Variants in CCDC33 observed in about 807,000 individuals in gnomAD.
The protein encoded by CCDC33 is coiled-coil domain containing 33, also known as coiled-coil domain-containing protein 33.
Under a neutral mutation model 91.9 loss-of-function variants are expected in CCDC33, and 94 were observed. That is an observed-to-expected ratio of 1.02 (90% CI 0.87 to 1.21). The LOEUF is 1.21. CCDC33 is among the 50% of genes most tolerant of loss of function. The pLI is 0.00. For missense variants in CCDC33, 940 were observed against 935.5 expected (o/e 1.00, Z -0.06); for synonymous variants, 396 against 374.5 (o/e 1.06, Z -0.66).
At chr15:74,320,702 G>A (rs913668805) in intron 11 of CCDC33, among the ~76,000 whole-genome samples, 1 of 152,120 alleles carries the variant, frequency 6.6e-6, no homozygotes, top group African/African-American at 2.4e-5. Flanking sequence ...ATGCCACATC[G>A]CACAGACCAC....
chr15:74,312,185 C>T (rs1432384883), intron 11 of CCDC33, among the ~76,000 whole-genome samples: 2 of 152,194 alleles, frequency 1.3e-5, no homozygotes, highest in East Asian at 3.9e-4. Context: ...CCCCTTGTTC[C>T]AAAGTCCCTT....
chr15:74,266,241 T>C (rs1482186404), intron 3 of CCDC33, among the ~76,000 whole-genome samples: 2 of 152,186 alleles, frequency 1.3e-5, no homozygotes, highest in South Asian at 2.1e-4. Context: ...TGTGAGATAA[T>C]CTCTCCCCAT....
rs1001771449 is a variant in CCDC33 at position 74,335,918 on chromosome 15, A to T, written c.2140-7A>T. On this transcript the variant is annotated splice_region_variant and splice_polypyrimidine_tract_variant and intron_variant, in intron 18 of 18. Coordinates refer to ENST00000398814, the MANE Select transcript of CCDC33 (RefSeq NM_025055.5). ...GGTACTCACGCACCCCGCTTTGCAC[A>T]CCACAGAGTGCCCTCACCCACTCCA... 1 of 1,611,796 alleles carries T rather than the reference A, an allele frequency of 6.2e-7. No individual in the cohort carries two copies. The highest frequency in any genetic ancestry group is 8.5e-7 in the Non-Finnish European group (1 of 1,178,270).
intron 7 of CCDC33, among the ~76,000 whole-genome samples, chr15:74,276,436 G>C (rs1278559749): frequency 6.6e-6 from 1 of 152,188 alleles, no homozygotes; most frequent in South Asian, 2.1e-4. Flanking sequence ...GCTCCGGGAA[G>C]CCATGTGTGC....
chr15:74,278,483 C>T (rs71399782), intron 7 of CCDC33, among the ~76,000 whole-genome samples: 1 of 152,216 alleles, frequency 6.6e-6, no homozygotes, highest in Non-Finnish European at 1.5e-5. Flanking sequence ...CCCGCAGCCC[C>T]GCCCTGTGCT....
intron 1 of CCDC33, chr15:74,208,782 G>C: frequency 1.0e-6 from 1 of 988,728 alleles, no homozygotes; most frequent in Non-Finnish European, 1.2e-6. Flanking sequence ...TGGCCTCCCA[G>C]ACTTGGCTCC....
chr15:74,240,344 G>A (rs376313368), intron 1 of CCDC33, among the ~76,000 whole-genome samples: 1 of 152,164 alleles, frequency 6.6e-6, no homozygotes, highest in African/African-American at 2.4e-5. Flanking sequence ...AGAGCCCCTG[G>A]ACAATGGTCT....
intron 1 of CCDC33, among the ~76,000 whole-genome samples, chr15:74,208,273 A>G (rs981925167): frequency 8.5e-5 from 13 of 152,150 alleles, no homozygotes; most frequent in African/African-American, 2.7e-4. Context: ...GGCTGTTAAC[A>G]TCAAGATGCA....
intron 11 of CCDC33, chr15:74,303,543 C>G (rs1424723564): frequency 1.3e-5 from 2 of 153,112 alleles, no homozygotes; most frequent in Non-Finnish European, 2.9e-5. Flanking sequence ...CACTGGCCAC[C>G]CCAGCCTTCC....
At chr15:74,318,090 G>T (rs554189187) in intron 11 of CCDC33, among the ~76,000 whole-genome samples, 60 of 150,598 alleles carry the variant, frequency 4.0e-4, no homozygotes, top group East Asian at 2.9e-3. Flanking sequence ...CTGCTGCGGG[G>T]TGGGGAGGAC....
intron 11 of CCDC33, among the ~76,000 whole-genome samples, chr15:74,309,055 TG>T (rs2059944084): frequency 6.6e-6 from 1 of 152,074 alleles, no homozygotes; most frequent in Non-Finnish European, 1.5e-5. Flanking sequence ...ACCGTCCAGA[TG>T]GGGCCCTCCT....
chr15:74,217,464 G>C, exon 1 of CCDC33: 2 of 1,289,860 alleles, frequency 1.6e-6, no homozygotes, highest in Non-Finnish European at 2.0e-6. Context: ...GCAGTTGCAA[G>C]TGAATGATGG....
intron 3 of CCDC33, among the ~76,000 whole-genome samples, chr15:74,265,162 C>T (rs546412076): frequency 6.6e-6 from 1 of 152,334 alleles, no homozygotes; most frequent in East Asian, 1.9e-4. Context: ...TTCCAAATGA[C>T]CCATCCAGTT....
chr15:74,335,703 G>T (rs960502724), intron 18 of CCDC33: 1 of 500,744 alleles, frequency 2.0e-6, no homozygotes, highest in Non-Finnish European at 3.6e-6. Context: ...GAGGGAACAG[G>T]CAAGGAACAA....
rs2060533916 is a variant in CCDC33, at chr15:74,334,996, T to C, written c.2047T>C (p.Trp683Arg). 6.2e-7 allele frequency: 1 copy of C among 1,614,050 alleles called. No individual in the cohort carries two copies. The highest frequency in any genetic ancestry group is 8.5e-7 in the Non-Finnish European group (1 of 1,179,962). The change falls in exon 18 of 19, where the codon TGG becomes CGG. Residue 683 changes from tryptophan to arginine, a missense_variant. By Grantham distance (101) the Trp-to-Arg change is moderately radical. Transcript: ENST00000398814. ...ESQLEDSARR[W>R]GREKQDLATR... ...GCAGTTAGAGGACTCAGCTCGACGC[T>C]GGGGACGAGAGAAGCAGGATCTGGC...
At chr15:74,274,535 T>C (rs1227210660) in intron 7 of CCDC33, among the ~76,000 whole-genome samples, 3 of 151,962 alleles carry the variant, frequency 2.0e-5, no homozygotes, top group Non-Finnish European at 4.4e-5. Context: ...AGACATGGGG[T>C]AGAGTGATGG....
Position 74,218,829 on chromosome 15 carries a change from C to G in CCDC33, c.643C>G (p.Pro215Ala). The change falls in exon 2 of 3, where the codon CCA (proline) becomes GCA (alanine). Residue 215 changes from proline (P) to alanine (A), a missense_variant. Coordinates refer to the CCDC33 transcript ENST00000635913. This position sits in a 1 kb window ranked among gnomAD's most constrained non-coding sequence, Gnocchi z 4.8. ...GGCTGGCCAGCCAGAACTGATGTCA[C>G]CATGCCCAGAGCCCCAGCTCCCCAT... 1 of 1,262,704 alleles carries G rather than the reference C, an allele frequency of 7.9e-7. No individual in the cohort carries two copies. The highest frequency in any genetic ancestry group is 1.0e-6 in the Non-Finnish European group (1 of 974,010). 78.2% of individuals were successfully genotyped at this position (1,262,704 alleles called of 1,614,324 possible).
At position 74,266,694 on chromosome 15, in the gene CCDC33, G is replaced by C. The variant is rs2076174193; in HGVS notation, c.336G>C (p.Val112=). ...DAGQEDVILK[V]VDNRKKQELL... ...TCTTTCCAGATGTGATCCTCAAGGT[G>C]GTGGACAACAGAAAGAAACAGGAGT... is the stretch of plus-strand genomic sequence containing the variant. Residue 112 remains valine (V), a synonymous_variant, in exon 4 of 19, where the codon GTG becomes GTC. Coordinates refer to ENST00000398814, the MANE Select transcript of CCDC33 (RefSeq NM_025055.5). 5 of 1,613,738 alleles carry C rather than the reference G, an allele frequency of 3.1e-6. No individual in the cohort carries two copies. In the East Asian group the frequency reaches 6.7e-5, roughly 22 times the overall value.
intron 2 of CCDC33, among the ~76,000 whole-genome samples, chr15:74,229,760 T>C (rs1238388942): frequency 6.6e-6 from 1 of 152,130 alleles, no homozygotes; most frequent in Non-Finnish European, 1.5e-5. Flanking sequence ...TTGACACAAA[T>C]GTCATCCCTC....
Sources: gnomAD v4.1 joint callset for allele counts (sites outside exome capture counted in the v4.1 genomes callset) on GRCh38, gnomAD v4.1.1 for gene constraint, Gnocchi (gnomAD v3.1) non-coding constraint, MANE v1.5 for transcripts, NCBI Gene and HGNC (gene_info 2026-07-23, HGNC 2026-07-21) for gene names.